Variants in RERE observed in about 807,000 individuals in gnomAD.
RERE encodes the protein arginine-glutamic acid dipeptide repeats protein.
Under a neutral mutation model 146.1 loss-of-function variants are expected in RERE, and 40 were observed. That is an observed-to-expected ratio of 0.27 (90% CI 0.21 to 0.36). The LOEUF (loss-of-function observed/expected upper bound fraction) is 0.36. RERE is among the 10% of genes least tolerant of loss of function. RERE has a pLI of 1.00. For synonymous variants in RERE, 1,003 were observed against 866.0 expected (o/e 1.16, Z -2.78); for missense variants, 1,933 against 2,138.7 (o/e 0.90, Z 1.90).
At chr1:8,472,426 T>C (rs1286519245) in intron 10 of RERE, among the ~76,000 whole-genome samples, 1 of 152,354 alleles carries the variant, frequency 6.6e-6, no homozygotes, top group East Asian at 1.9e-4. Context: ...TGTCCTTTAA[T>C]GTGAATAAGA....
chr1:8,403,825 CTTTTTTT>C (rs869295197), intron 12 of RERE, among the ~76,000 whole-genome samples: 17,220 of 70,914 alleles, frequency 0.24, 1,107 homozygotes, highest in Middle Eastern at 0.44. Flanking sequence ...AAAATCTTAG[CTTTTTTT>C]TTTTTTTTTT....
At chr1:8,369,050 T>C (rs560391925) in intron 12 of RERE, among the ~76,000 whole-genome samples, 210 of 152,158 alleles carry the variant, frequency 1.4e-3, no homozygotes, top group Non-Finnish European at 2.1e-3. Context: ...TTTAAAAAAT[T>C]AGCCCAGTGT....
At chr1:8,670,848 C>T (rs1290541216) in intron 1 of RERE, among the ~76,000 whole-genome samples, 1 of 152,062 alleles carries the variant, frequency 6.6e-6, no homozygotes, top group Non-Finnish European at 1.5e-5. Context: ...AGTAACAATC[C>T]GAGGTACATT....
chr1:8,527,805 C>T (rs925736696), intron 7 of RERE, among the ~76,000 whole-genome samples: 24 of 152,054 alleles, frequency 1.6e-4, no homozygotes, highest in African/African-American at 5.6e-4. Flanking sequence ...TCAGGGGCAG[C>T]GTACCCCAGC....
chr1:8,360,612 G>C lies in RERE; in HGVS notation c.2895C>G (p.Pro965=), dbSNP rs112375285. The C allele has an allele frequency of 6.3e-5, 95 of 1,513,226 alleles. No individual in the cohort carries two copies. Among genetic ancestry groups the C allele is most frequent in the Non-Finnish European group, 8.3e-5 (94 of 1,132,922 alleles). The allele number at this position is 1,513,226 out of a possible 1,614,324, so 93.7% of individuals were successfully genotyped here. Reference sequence around the variant, plus strand: ...AGCTCAGGGGCTTCAGGGCTGGAGGGGGAGGCAGGTTGGCATTCATGGAGA... The same window carrying C: ...AGCTCAGGGGCTTCAGGGCTGGAGGCGGAGGCAGGTTGGCATTCATGGAGA... ...SPFSMNANLP[P]PPALKPLSSL... The change falls in exon 18 of 23, where the codon CCC becomes CCG. Residue 965 remains proline, a synonymous_variant. Coordinates refer to ENST00000400908, the MANE Select transcript of RERE (RefSeq NM_001042681.2).
At chr1:8,646,450 T>G (rs1477342466) in intron 2 of RERE, among the ~76,000 whole-genome samples, 1 of 151,928 alleles carries the variant, frequency 6.6e-6, no homozygotes, top group Non-Finnish European at 1.5e-5. Flanking sequence ...GAGGACCACT[T>G]GAGCTCGGGA....
At chr1:8,665,257 C>T (rs1638544245) in intron 1 of RERE, among the ~76,000 whole-genome samples, 1 of 152,210 alleles carries the variant, frequency 6.6e-6, no homozygotes. Flanking sequence ...TAGCATTTTC[C>T]ACAACTGTAA....
intron 1 of RERE, among the ~76,000 whole-genome samples, chr1:8,663,444 G>T (rs754040807): frequency 1.8e-4 from 27 of 152,068 alleles, no homozygotes; most frequent in Non-Finnish European, 3.4e-4. Context: ...GACACATCCT[G>T]AACACCTCTG....
At chr1:8,520,557 C>T (rs542587311) in intron 7 of RERE, among the ~76,000 whole-genome samples, 7 of 151,938 alleles carry the variant, frequency 4.6e-5, no homozygotes, top group South Asian at 2.1e-4. Flanking sequence ...GACTTTGCTC[C>T]GTTGTCTAAA....
At chr1:8,597,460 G>A (rs1646568459) in intron 4 of RERE, among the ~76,000 whole-genome samples, 1 of 152,086 alleles carries the variant, frequency 6.6e-6, no homozygotes, top group African/African-American at 2.4e-5. Context: ...GTCAAACCAG[G>A]TCACTGAAAT....
intron 4 of RERE, among the ~76,000 whole-genome samples, chr1:8,590,105 G>A (rs1283648830): frequency 6.6e-6 from 1 of 152,116 alleles, no homozygotes; most frequent in Non-Finnish European, 1.5e-5. Context: ...CATTGCTTTT[G>A]GGGTAAATCC....
chr1:8,610,174 T>C (rs1646775429), intron 4 of RERE, among the ~76,000 whole-genome samples: 1 of 152,198 alleles, frequency 6.6e-6, no homozygotes, highest in Non-Finnish European at 1.5e-5. Context: ...GCATCCATAG[T>C]CAAAAAGTAA....
chr1:8,758,244 C>A (rs910116772), intron 1 of RERE, among the ~76,000 whole-genome samples: 1 of 152,032 alleles, frequency 6.6e-6, no homozygotes, highest in Non-Finnish European at 1.5e-5. Context: ...CGCCACCATG[C>A]CCGGCAAATT....
intron 12 of RERE, among the ~76,000 whole-genome samples, chr1:8,415,086 G>C (rs549585765): frequency 9.2e-5 from 14 of 152,224 alleles, no homozygotes; most frequent in African/African-American, 3.4e-4. Context: ...TTTCCTAACA[G>C]ACTAGATAGA....
chr1:8,514,670 G>A (rs1645389371), intron 7 of RERE, among the ~76,000 whole-genome samples: 1 of 151,988 alleles, frequency 6.6e-6, no homozygotes, highest in African/African-American at 2.4e-5. Flanking sequence ...AGAGGTTACA[G>A]TGAGCTGAGG....
At chr1:8,401,247 C>A (rs1417201299) in intron 12 of RERE, among the ~76,000 whole-genome samples, 1 of 146,238 alleles carries the variant, frequency 6.8e-6, no homozygotes, top group Non-Finnish European at 1.5e-5. Flanking sequence ...TAGCAAACTG[C>A]ATTTTCAAAG....
intron 2 of RERE, among the ~76,000 whole-genome samples, chr1:8,655,024 T>C (rs529800681): frequency 6.6e-6 from 1 of 152,318 alleles, no homozygotes; most frequent in East Asian, 1.9e-4. Flanking sequence ...TGATCTCATC[T>C]AAAAGTTGAG....
chr1:8,593,016 C>T (rs1405296045), intron 4 of RERE, among the ~76,000 whole-genome samples: 4 of 152,134 alleles, frequency 2.6e-5, no homozygotes, highest in Non-Finnish European at 5.9e-5. Flanking sequence ...TGGCTACAAC[C>T]TTGGGGTCAT....
At chr1:8,466,616 T>A (rs1396163759) in intron 10 of RERE, among the ~76,000 whole-genome samples, 1 of 152,226 alleles carries the variant, frequency 6.6e-6, no homozygotes, top group Non-Finnish European at 1.5e-5. Flanking sequence ...TTGACTGTGC[T>A]AATTTCACAC....
Sources: gnomAD v4.1 joint callset for allele counts (sites outside exome capture counted in the v4.1 genomes callset) on GRCh38, gnomAD v4.1.1 for gene constraint, MANE v1.5 for transcripts, NCBI Gene and HGNC (gene_info 2026-07-23, HGNC 2026-07-21) for gene names.